COL24A1: variants seen among roughly 807,000 people sequenced by gnomAD.
COL24A1 encodes collagen alpha-1(XXIV) chain.
COL24A1 carries 224 observed loss-of-function variants against 253.9 expected under a neutral mutation model. The ratio of observed to expected loss-of-function variants is 0.88; its 90% CI spans 0.79 to 0.99. The LOEUF (loss-of-function observed/expected upper bound fraction) is 0.99, where lower values mean the gene tolerates loss of function less well. Ranked by LOEUF, COL24A1 falls within the 50% of genes least tolerant of loss-of-function variation. COL24A1 has a pLI of 0.00. For missense variants in COL24A1, 2,131 were observed against 2,068.5 expected (o/e 1.03, Z -0.59); for synonymous variants, 685 against 673.7 (o/e 1.02, Z -0.26).
At chr1:86,045,520 G>A (rs992822385) in intron 12 of COL24A1, among the ~76,000 whole-genome samples, 5 of 151,818 alleles carry the variant, frequency 3.3e-5, no homozygotes, top group Non-Finnish European at 7.4e-5. Flanking sequence ...TAAATAGAAA[G>A]GTATTTTCTG....
chr1:85,841,509 A>G (rs1005944330), intron 41 of COL24A1, among the ~76,000 whole-genome samples: 9 of 152,226 alleles, frequency 5.9e-5, no homozygotes, highest in African/African-American at 2.2e-4. Context: ...GAAGCAGCTC[A>G]GGAATTTTCT....
intron 12 of COL24A1, among the ~76,000 whole-genome samples, chr1:86,045,665 T>C (rs1230036822): frequency 6.6e-6 from 1 of 152,178 alleles, no homozygotes; most frequent in African/African-American, 2.4e-5. Context: ...AAAAGGGTGA[T>C]AATAGCAACG....
rs183179969 is a variant in COL24A1, at chr1:86,050,116, G to A, written c.1905+8C>T. The A allele has an allele frequency of 1.3e-4, 214 of 1,611,576 alleles. No homozygotes were observed. The East Asian group carries it at 3.4e-3, about 26-fold the overall frequency. The stretch of plus-strand genomic sequence containing the variant: ...TTTAGAAATACTATTTGAAGGGAAT[G>A]GACTTACCCGTTCTCCTTCAGGTCC... On this transcript the variant is annotated splice_region_variant and intron_variant, in intron 11 of 59. Coordinates refer to ENST00000370571, the MANE Select transcript of COL24A1 (RefSeq NM_152890.7).
chr1:85,841,268 C>G lies in COL24A1; in HGVS notation c.3581G>C (p.Gly1194Ala). 1 of 1,594,786 alleles carries G rather than the reference C, an allele frequency of 6.3e-7. No homozygotes were observed. Among genetic ancestry groups the G allele is most frequent in the Non-Finnish European group, 8.5e-7 (1 of 1,171,540 alleles). ...TGGTCCTAGGACTGTGCTATCTTCT[C>G]CTGGGTAGCCCTAAAATGAAATAAT... ...PGPKGEKGYPGEDSTVLGPPG... is the reference protein window; with the variant it reads ...PGPKGEKGYPAEDSTVLGPPG... Residue 1194 changes from glycine (G) to alanine (A), a missense_variant, in exon 42 of 60, where the codon GGA becomes GCA. By Grantham distance (60) the Gly-to-Ala change is moderately conservative (BLOSUM62 0). Transcript: ENST00000370571.
intron 24 of COL24A1, among the ~76,000 whole-genome samples, chr1:85,955,118 G>T (rs1044436268): frequency 6.6e-6 from 1 of 152,138 alleles, no homozygotes; most frequent in African/African-American, 2.4e-5. Context: ...GACACAAATG[G>T]GTGGATGATA....
chr1:86,153,030 T>C (rs1025632257), intron 1 of COL24A1, among the ~76,000 whole-genome samples: 4 of 152,188 alleles, frequency 2.6e-5, no homozygotes, highest in African/African-American at 9.7e-5. Flanking sequence ...ACTGCTTCCC[T>C]AGAATGTGTA....
chr1:86,074,217 A>G (rs1319393815), intron 7 of COL24A1, among the ~76,000 whole-genome samples: 1 of 152,156 alleles, frequency 6.6e-6, no homozygotes. Context: ...TCAGGAGACA[A>G]ATCTCATGTG....
intron 12 of COL24A1, among the ~76,000 whole-genome samples, chr1:86,042,856 T>G (rs1204904906): frequency 2.6e-5 from 4 of 152,152 alleles, no homozygotes; most frequent in Non-Finnish European, 5.9e-5. Flanking sequence ...TTTAGTCCAT[T>G]TCTGTGCTAT....
intron 43 of COL24A1, among the ~76,000 whole-genome samples, chr1:85,837,237 G>A (rs1442653459): frequency 6.6e-6 from 1 of 152,040 alleles, no homozygotes; most frequent in Non-Finnish European, 1.5e-5. Context: ...CATATAACCT[G>A]CTAAAAATGT....
chr1:85,902,754 A>G (rs1684440690), intron 28 of COL24A1, among the ~76,000 whole-genome samples: 2 of 152,156 alleles, frequency 1.3e-5, no homozygotes, highest in Non-Finnish European at 2.9e-5. Context: ...AAGGCTGGGA[A>G]GGGTGTATGG....
rs1291048192 is a variant in COL24A1, at chr1:85,817,019, C to T, written c.3844-124G>A. The T allele has an allele frequency of 1.9e-5, 13 of 692,150 alleles. No individual in the cohort carries two copies. In the East Asian group the frequency reaches 3.0e-4, roughly 16 times the overall value. 42.9% of individuals were successfully genotyped at this position (692,150 alleles called of 1,614,324 possible). A position where few individuals can be genotyped will look rare whatever the true frequency, so the allele number is the denominator to read the frequency against. On this transcript the variant is annotated intron_variant, in intron 46 of 59. Coordinates refer to ENST00000370571, the MANE Select transcript of COL24A1 (RefSeq NM_152890.7). ...ATATTTTGTTCTAGGACAAATTTTC[C>T]TGTTTCCTGGATTCCTTAATGATTT...
At chr1:85,823,020 C>G (rs1194793900) in intron 45 of COL24A1, among the ~76,000 whole-genome samples, 1 of 152,128 alleles carries the variant, frequency 6.6e-6, no homozygotes, top group Non-Finnish European at 1.5e-5. Flanking sequence ...TCCTACTTGC[C>G]CATGCTATAT....
At chr1:86,151,659 C>T (rs897377680) in intron 1 of COL24A1, among the ~76,000 whole-genome samples, 4 of 152,178 alleles carry the variant, frequency 2.6e-5, no homozygotes, top group Non-Finnish European at 1.5e-5. Context: ...TTCCAGGCAT[C>T]GTTCCTAGAT....
At chr1:86,104,608 C>T (rs1035995491) in intron 5 of COL24A1, among the ~76,000 whole-genome samples, 2 of 152,178 alleles carry the variant, frequency 1.3e-5, no homozygotes, top group Non-Finnish European at 2.9e-5. Flanking sequence ...AAGGCTGGCT[C>T]AGTCAACTGG....
intron 24 of COL24A1, among the ~76,000 whole-genome samples, chr1:85,939,820 G>A (rs1407135115): frequency 6.6e-6 from 1 of 152,060 alleles, no homozygotes; most frequent in Non-Finnish European, 1.5e-5. Context: ...TAAACCAGAT[G>A]AGGAAATGAT....
chr1:85,875,363 C>A, intron 33 of COL24A1, 33 bp from the exon 34 acceptor site: 1 of 1,553,138 alleles, frequency 6.4e-7, no homozygotes, highest in Non-Finnish European at 8.9e-7. Context: ...ATTACAAAGG[C>A]AATAGCAATC....
intron 39 of COL24A1, among the ~76,000 whole-genome samples, chr1:85,846,464 A>G (rs1413876377): frequency 1.3e-5 from 2 of 151,962 alleles, no homozygotes; most frequent in Non-Finnish European, 2.9e-5. Flanking sequence ...CAGAAAGAAA[A>G]GCATTTGTAA....
chr1:85,957,847 C>T (rs1690628873), intron 24 of COL24A1, among the ~76,000 whole-genome samples: 1 of 152,192 alleles, frequency 6.6e-6, no homozygotes, highest in Admixed American at 6.5e-5. Context: ...TGTTCATTGA[C>T]CTTACATTCA....
At chr1:86,002,159 T>C (rs1695478857) in intron 19 of COL24A1, among the ~76,000 whole-genome samples, 1 of 152,258 alleles carries the variant, frequency 6.6e-6, no homozygotes, top group South Asian at 2.1e-4. Context: ...TGGGTTCTGA[T>C]GATCAGCCAA....
Sources: gnomAD v4.1 joint callset for allele counts (sites outside exome capture counted in the v4.1 genomes callset) on GRCh38, gnomAD v4.1.1 for gene constraint, MANE v1.5 for transcripts, NCBI Gene and HGNC (gene_info 2026-07-23, HGNC 2026-07-21) for gene names.